HDAC9: variants seen among roughly 807,000 people sequenced by gnomAD.
The protein encoded by HDAC9 is histone deacetylase 9.
Under a neutral mutation model 139.4 loss-of-function variants are expected in HDAC9, and 41 were observed. The observed-to-expected ratio is 0.29, with a 90% CI of 0.23 to 0.38. The LOEUF (loss-of-function observed/expected upper bound fraction) is 0.38. HDAC9 is among the 10% of genes least tolerant of loss of function. HDAC9 has a pLI of 1.00. For missense variants in HDAC9, 1,147 were observed against 1,297.0 expected (o/e 0.88, Z 1.78); for synonymous variants, 517 against 476.2 (o/e 1.09, Z -1.12).
intron 23 of HDAC9, among the ~76,000 whole-genome samples, chr7:18,946,380 G>T (rs771960645): frequency 5.9e-5 from 9 of 151,992 alleles, no homozygotes; most frequent in Non-Finnish European, 1.3e-4. Flanking sequence ...TAAGACAAAG[G>T]TGATAACATT....
At position 18,636,455 on chromosome 7, in the gene HDAC9, G is replaced by A. The variant is rs111941798; in HGVS notation, c.912+1713G>A. ...ATGGCACCACATTTGTAGTTCCCACGTTAGGAGTCTGCACAAAGCAAACAA... is the reference window on the plus strand; with the variant it reads ...ATGGCACCACATTTGTAGTTCCCACATTAGGAGTCTGCACAAAGCAAACAA... On this transcript the variant is annotated intron_variant, in intron 8 of 25. Coordinates refer to ENST00000686413, the MANE Select transcript of HDAC9 (RefSeq NM_178425.4). 2.2e-4 allele frequency among the ~76,000 whole-genome samples: 33 copies of A among 152,062 alleles called. 1 individual carries two copies. The highest frequency in any genetic ancestry group is 4.1e-4 in the African/African-American group (17 of 41,478).
chr7:18,160,784 T>G (rs964296162), intron 1 of HDAC9, among the ~76,000 whole-genome samples: 2 of 151,994 alleles, frequency 1.3e-5, no homozygotes, highest in African/African-American at 4.8e-5. Context: ...GCCTGGCTAA[T>G]TTTTTGTATT....
chr7:18,776,206 C>T (rs2519743), intron 16 of HDAC9, among the ~76,000 whole-genome samples: 9 of 152,118 alleles, frequency 5.9e-5, no homozygotes, highest in African/African-American at 2.2e-4. Context: ...GCCTCCCAAA[C>T]TGCTAGGATT....
chr7:18,471,010 CT>C (rs998278511), intron 1 of HDAC9, among the ~76,000 whole-genome samples: 13 of 148,776 alleles, frequency 8.7e-5, no homozygotes, highest in East Asian at 3.9e-4. Context: ...TTACTTTGAA[CT>C]TTTTTTTTTA....
chr7:18,546,783 C>G (rs1218839600), intron 2 of HDAC9, among the ~76,000 whole-genome samples: 1 of 152,182 alleles, frequency 6.6e-6, no homozygotes, highest in Non-Finnish European at 1.5e-5. Flanking sequence ...CTCCCCTCAC[C>G]TGAGAGTGTT....
At chr7:18,437,942 G>A (rs1233303081) in intron 1 of HDAC9, among the ~76,000 whole-genome samples, 2 of 149,572 alleles carry the variant, frequency 1.3e-5, no homozygotes, top group Non-Finnish European at 3.0e-5. Flanking sequence ...ATTATATAAC[G>A]TTACACACAC....
At chr7:18,769,178 C>T (rs560672357) in intron 16 of HDAC9, among the ~76,000 whole-genome samples, 3 of 152,180 alleles carry the variant, frequency 2.0e-5, no homozygotes, top group African/African-American at 4.8e-5. Flanking sequence ...CCTCCCAAAT[C>T]TGACCTGGGA....
At chr7:18,260,185 T>C (rs1483783579) in intron 2 of HDAC9, among the ~76,000 whole-genome samples, 1 of 152,212 alleles carries the variant, frequency 6.6e-6, no homozygotes, top group Non-Finnish European at 1.5e-5. Flanking sequence ...ATGGCTGCCT[T>C]TTAAACCTGG....
Position 18,572,153 on chromosome 7 carries a change from C to T in HDAC9, c.23-13128C>T, listed in dbSNP as rs1342242700. 7.9e-5 allele frequency among the ~76,000 whole-genome samples: 12 copies of T among 151,658 alleles called. 1 individual carries two copies. The highest frequency in any genetic ancestry group is 6.6e-4 in the Admixed American group (10 of 15,248). On this transcript the variant is annotated intron_variant, in intron 2 of 25. Coordinates refer to ENST00000686413, the MANE Select transcript of HDAC9 (RefSeq NM_178425.4). Reference sequence around the variant, plus strand: ...ATTTATTCAACTAATATTTATTAAACTTACAGTATAAGCTACATAATATAC... The same window carrying T: ...ATTTATTCAACTAATATTTATTAAATTTACAGTATAAGCTACATAATATAC...
At chr7:18,666,069 C>G in intron 11 of HDAC9, 144 bp from the exon 12 acceptor site, 1 of 842,670 alleles carries the variant, frequency 1.2e-6, no homozygotes, top group South Asian at 1.9e-5. Context: ...ACTGAGGAAA[C>G]TTGTTGCCTA....
chr7:18,861,931 C>T (rs1302919278), intron 21 of HDAC9, among the ~76,000 whole-genome samples: 1 of 152,082 alleles, frequency 6.6e-6, no homozygotes, highest in African/African-American at 2.4e-5. Context: ...TTTGTAGCTT[C>T]CTTATTCTCA....
intron 1 of HDAC9, among the ~76,000 whole-genome samples, chr7:18,103,759 A>C (rs1044733332): frequency 2.6e-5 from 4 of 152,208 alleles, no homozygotes; most frequent in Non-Finnish European, 5.9e-5. Flanking sequence ...CTCCTATGGC[A>C]TATTTCTGGT....
chr7:18,112,353 G>C (rs1212916498), intron 1 of HDAC9, among the ~76,000 whole-genome samples: 1 of 152,188 alleles, frequency 6.6e-6, no homozygotes. Context: ...AAATTGTTAA[G>C]AATGCGGACT....
At chr7:18,417,734 C>T (rs1415079085) in intron 1 of HDAC9, among the ~76,000 whole-genome samples, 1 of 152,108 alleles carries the variant, frequency 6.6e-6, no homozygotes, top group East Asian at 1.9e-4. Context: ...CAGCATTCTT[C>T]CTGGCCTGTG....
At chr7:18,242,455 A>G (rs1251348713) in intron 2 of HDAC9, among the ~76,000 whole-genome samples, 5 of 152,196 alleles carry the variant, frequency 3.3e-5, no homozygotes, top group Non-Finnish European at 5.9e-5. Flanking sequence ...TAAATCCTTG[A>G]GATGATCTAA....
At chr7:18,177,394 C>T (rs17138723) in intron 2 of HDAC9, among the ~76,000 whole-genome samples, 3 of 151,970 alleles carry the variant, frequency 2.0e-5, no homozygotes, top group Non-Finnish European at 4.4e-5. Context: ...ATGTCAGTGG[C>T]TCTCTATCAC....
At chr7:18,517,450 G>A (rs1251913583) in intron 2 of HDAC9, among the ~76,000 whole-genome samples, 2 of 152,180 alleles carry the variant, frequency 1.3e-5, no homozygotes, top group Non-Finnish European at 1.5e-5. Flanking sequence ...CAGCTTGTGT[G>A]ATGCGAGAGC....
chr7:18,574,440 T>G (rs1825345043), intron 2 of HDAC9, among the ~76,000 whole-genome samples: 1 of 152,112 alleles, frequency 6.6e-6, no homozygotes, highest in Non-Finnish European at 1.5e-5. Context: ...CGGCCATGGG[T>G]GGGCCTGGAT....
intron 2 of HDAC9, among the ~76,000 whole-genome samples, chr7:18,548,759 G>C (rs1816084700): frequency 1.3e-5 from 2 of 152,114 alleles, no homozygotes; most frequent in Admixed American, 1.3e-4. Flanking sequence ...CAAATATCAA[G>C]TAAGCACACA....
Sources: allele counts gnomAD v4.1 joint callset (sites outside exome capture counted in the v4.1 genomes callset), GRCh38; gene constraint gnomAD v4.1.1; transcripts MANE v1.5; gene names NCBI Gene and HGNC (gene_info 2026-07-23, HGNC 2026-07-21).